Variants in WWOX observed in about 807,000 individuals in gnomAD.
WWOX encodes the protein WW domain-containing oxidoreductase.
A neutral mutation model predicts 46.2 loss-of-function variants in WWOX; 69 were observed. The ratio of observed to expected loss-of-function variants is 1.49; its 90% confidence interval spans 1.23 to 1.82. The LOEUF (loss-of-function observed/expected upper bound fraction) is 1.82, where lower values mean the gene tolerates loss of function less well. Ranked by LOEUF, WWOX falls within the 40% of genes most tolerant of loss-of-function variation. The pLI is 0.00. For synonymous variants in WWOX, 359 were observed against 202.6 expected, an observed-to-expected ratio of 1.77 and a Z score of -6.56; for missense variants, 919 against 542.6, an observed-to-expected ratio of 1.69 and a Z score of -6.89.
intron 8 of WWOX, among the ~76,000 whole-genome samples, chr16:79,045,142 A>C (rs1365652640): frequency 6.6e-6 from 1 of 152,194 alleles, no homozygotes; most frequent in Non-Finnish European, 1.5e-5. Flanking sequence ...CGTAAATTCT[A>C]TCGCATTAAC....
chr16:78,403,111 C>T (rs1440467865), intron 6 of WWOX, among the ~76,000 whole-genome samples: 2 of 152,190 alleles, frequency 1.3e-5, no homozygotes, highest in South Asian at 4.1e-4. Context: ...AGGAAAGAGT[C>T]GTCATTGGCA....
intron 8 of WWOX, among the ~76,000 whole-genome samples, chr16:78,796,353 G>T (rs931134410): frequency 2.0e-5 from 3 of 152,232 alleles, no homozygotes; most frequent in African/African-American, 7.2e-5. Flanking sequence ...TCTGACAGGG[G>T]AAGAAAAAGT....
intron 8 of WWOX, among the ~76,000 whole-genome samples, chr16:78,699,000 GA>G (rs2048156731): frequency 6.6e-6 from 1 of 152,110 alleles, no homozygotes; most frequent in Admixed American, 6.5e-5. Context: ...AATAGGACTT[GA>G]CAGACTTTTT....
At chr16:78,226,791 G>A (rs776137442) in intron 5 of WWOX, among the ~76,000 whole-genome samples, 12 of 152,148 alleles carry the variant, frequency 7.9e-5, no homozygotes, top group Middle Eastern at 3.4e-3. Flanking sequence ...TGTGTCGTAC[G>A]CAGGAAGTAC....
chr16:78,107,195 C>T (rs1038032972), intron 1 of WWOX, among the ~76,000 whole-genome samples: 28 of 152,246 alleles, frequency 1.8e-4, no homozygotes, highest in Admixed American at 1.3e-4. Context: ...GGAAACGCAG[C>T]CTACCCTTCG....
At chr16:78,413,693 G>C (rs1278763635) in intron 6 of WWOX, among the ~76,000 whole-genome samples, 1 of 151,946 alleles carries the variant, frequency 6.6e-6, no homozygotes, top group Non-Finnish European at 1.5e-5. Context: ...CCTGGGCTCA[G>C]AGGCCTGACA....
Position 78,435,200 on chromosome 16 carries a change from G to C in WWOX, c.1056+2448G>C, listed in dbSNP as rs114419634. On this transcript the variant is annotated intron_variant, in intron 8 of 8. Transcript: ENST00000566780. ...ATGGAGGCAGAGGGACTACCATGTC[G>C]GGGAGGATGCACAATGAATTGGACG... Among the ~76,000 whole-genome samples, 23 of 152,148 alleles carry C rather than the reference G, an allele frequency of 1.5e-4. No homozygotes were observed. In the East Asian group the frequency reaches 2.1e-3, roughly 14 times the overall value.
At chr16:78,951,580 T>G (rs1305055468) in intron 8 of WWOX, among the ~76,000 whole-genome samples, 1 of 152,210 alleles carries the variant, frequency 6.6e-6, no homozygotes, top group African/African-American at 2.4e-5. Flanking sequence ...ACAACAGGGC[T>G]TCATCACAGC....
At chr16:78,610,152 G>A (rs1323508676) in intron 8 of WWOX, among the ~76,000 whole-genome samples, 1 of 152,170 alleles carries the variant, frequency 6.6e-6, no homozygotes, top group African/African-American at 2.4e-5. Flanking sequence ...GCCTTTGAAG[G>A]GTTTTTAATG....
chr16:79,105,133 G>T (rs529495652), intron 8 of WWOX, among the ~76,000 whole-genome samples: 3 of 152,296 alleles, frequency 2.0e-5, no homozygotes, highest in African/African-American at 7.2e-5. Flanking sequence ...GGTGGGTCCT[G>T]TAGCCCCAGA....
chr16:78,151,952 A>T (rs1245832351), intron 4 of WWOX, among the ~76,000 whole-genome samples: 1 of 152,148 alleles, frequency 6.6e-6, no homozygotes, highest in Admixed American at 6.5e-5. Context: ...GCACTTTGGG[A>T]GGCCGAGGCG....
intron 5 of WWOX, among the ~76,000 whole-genome samples, chr16:78,373,915 G>A (rs1431391638): frequency 2.0e-5 from 3 of 151,242 alleles, no homozygotes; most frequent in Non-Finnish European, 4.4e-5. Flanking sequence ...AGCCTCCCAA[G>A]TAGCTGCATT....
At chr16:78,326,562 G>T (rs1597486728) in intron 5 of WWOX, among the ~76,000 whole-genome samples, 1 of 43,526 alleles carries the variant, frequency 2.3e-5, no homozygotes. Flanking sequence ...CTTTATTTCT[G>T]CCTGCCCTCC....
intron 4 of WWOX, among the ~76,000 whole-genome samples, chr16:78,120,027 A>G (rs1187272082): frequency 6.6e-6 from 1 of 152,130 alleles, no homozygotes; most frequent in African/African-American, 2.4e-5. Context: ...ATTAACAGAA[A>G]CAAAACTTTT....
At chr16:78,199,984 G>A (rs746174237) in intron 5 of WWOX, among the ~76,000 whole-genome samples, 3 of 152,206 alleles carry the variant, frequency 2.0e-5, no homozygotes, top group South Asian at 2.1e-4. Flanking sequence ...AAAGGTGATC[G>A]CTTCAGTAGA....
At chr16:79,013,729 G>A (rs981089431) in intron 8 of WWOX, among the ~76,000 whole-genome samples, 9 of 152,304 alleles carry the variant, frequency 5.9e-5, no homozygotes, top group African/African-American at 9.6e-5. Context: ...GGGAGCTCCC[G>A]GAAGCAAAGC....
chr16:78,383,551 G>A (rs765934717), intron 5 of WWOX, among the ~76,000 whole-genome samples: 5 of 152,072 alleles, frequency 3.3e-5, no homozygotes, highest in East Asian at 3.9e-4. Context: ...AAGGGGTTCC[G>A]TTTGCAATCT....
chr16:79,093,863 C>T (rs75952414), intron 8 of WWOX, among the ~76,000 whole-genome samples: 1,942 of 152,300 alleles, frequency 0.013, 20 homozygotes, highest in Non-Finnish European at 0.018. Context: ...AGTGACTCAG[C>T]CCAGAGTGGG....
chr16:78,436,979 A>G (rs2083349127), intron 8 of WWOX, among the ~76,000 whole-genome samples: 1 of 152,176 alleles, frequency 6.6e-6, no homozygotes, highest in African/African-American at 2.4e-5. Context: ...ATTGTGATTG[A>G]GAAGCTTAGC....
Sources: allele counts gnomAD v4.1 joint callset (sites outside exome capture counted in the v4.1 genomes callset), GRCh38; gene constraint gnomAD v4.1.1; transcripts MANE v1.5; gene names NCBI Gene and HGNC (gene_info 2026-07-23, HGNC 2026-07-21).